TLL1: variants seen among roughly 807,000 people sequenced by gnomAD.
TLL1 encodes tolloid like 1.
In TLL1, 49 loss-of-function variants were observed where a neutral mutation model predicts 128.2. The ratio of observed to expected loss-of-function variants is 0.38; its 90% CI spans 0.30 to 0.48. TLL1 has a LOEUF of 0.48. Among genes scored for constraint, TLL1 ranks in the 20% least tolerant of loss-of-function variants. The pLI, the probability that TLL1 is intolerant of heterozygous loss-of-function variation, is 0.96. For synonymous variants in TLL1, 454 were observed against 418.8 expected (o/e 1.08, Z -1.03); for missense variants, 1,123 against 1,242.0 (o/e 0.90, Z 1.44).
chr4:165,974,121 C>T (rs1437711898), intron 1 of TLL1, among the ~76,000 whole-genome samples: 1 of 146,490 alleles, frequency 6.8e-6, no homozygotes, highest in Non-Finnish European at 1.5e-5. Flanking sequence ...AGGATTAAGT[C>T]CTGGACCTCA....
intron 14 of TLL1, among the ~76,000 whole-genome samples, chr4:166,059,808 C>T (rs1388735625): frequency 8.6e-5 from 13 of 151,910 alleles, no homozygotes; most frequent in Admixed American, 7.9e-4. Context: ...CCATAATATT[C>T]TCGGCTACTA....
chr4:166,035,136 T>TA (rs1738942289), intron 9 of TLL1, among the ~76,000 whole-genome samples: 1 of 152,134 alleles, frequency 6.6e-6, no homozygotes, highest in Admixed American at 6.6e-5. Context: ...GCGAGAGGTG[T>TA]AAAAAATGTT....
chr4:166,011,593 T>C (rs1038489643), intron 7 of TLL1, among the ~76,000 whole-genome samples: 1 of 151,522 alleles, frequency 6.6e-6, no homozygotes, highest in East Asian at 1.9e-4. Flanking sequence ...AGAATTTTAC[T>C]TCTTTCTGTC....
chr4:165,985,257 G>A (rs762002997), intron 1 of TLL1, among the ~76,000 whole-genome samples: 23 of 151,986 alleles, frequency 1.5e-4, no homozygotes, highest in Non-Finnish European at 2.8e-4. Context: ...AATGGGAAGA[G>A]CAGGTTTCTA....
intron 16 of TLL1, among the ~76,000 whole-genome samples, chr4:166,068,217 AAGGGAAGG>A (rs1740660985): frequency 6.6e-6 from 1 of 151,748 alleles, no homozygotes; most frequent in African/African-American, 2.4e-5. Context: ...TGCCCAGGAA[AAGGGAAGG>A]TTAAAAACAT....
intron 1 of TLL1, among the ~76,000 whole-genome samples, chr4:165,979,315 G>A (rs547936711): frequency 3.5e-4 from 53 of 152,046 alleles, no homozygotes; most frequent in Middle Eastern, 3.4e-3. Context: ...TGTTATATTC[G>A]TATAAAAGAC....
intron 18 of TLL1, among the ~76,000 whole-genome samples, chr4:166,082,683 G>A (rs78383247): frequency 0.065 from 9,797 of 151,652 alleles, 551 homozygotes; most frequent in African/African-American, 0.14. Flanking sequence ...GTTTTGTTTC[G>A]TTTGTTTTTT....
At chr4:165,902,553 T>A (rs1732046961) in intron 1 of TLL1, among the ~76,000 whole-genome samples, 1 of 152,188 alleles carries the variant, frequency 6.6e-6, no homozygotes, top group Admixed American at 6.5e-5. Flanking sequence ...TGACTCCTTC[T>A]GCTTCCTGGG....
At chr4:165,937,857 C>T (rs1324933344) in intron 1 of TLL1, among the ~76,000 whole-genome samples, 2 of 117,712 alleles carry the variant, frequency 1.7e-5, no homozygotes, top group African/African-American at 2.9e-5. Context: ...TTCCCCACCC[C>T]CCCCCCAAAA....
In TLL1 at chr4:166,005,824, C is replaced by G. The variant is rs559548911; in HGVS notation, c.812-2119C>G. ...TACTCTTAAAAATAGGATCCTGTTTCAATATAAATATGTACCTGAAACAAG... is the reference window on the plus strand; with the variant it reads ...TACTCTTAAAAATAGGATCCTGTTTGAATATAAATATGTACCTGAAACAAG... On this transcript the variant is annotated intron_variant, in intron 6 of 20. Coordinates refer to ENST00000061240, the MANE Select transcript of TLL1 (RefSeq NM_012464.5). 4.6e-5 allele frequency among the ~76,000 whole-genome samples: 7 copies of G among 151,730 alleles called. No individual in the cohort carries two copies. The East Asian group carries it at 1.4e-3, about 29-fold the overall frequency.
chr4:165,913,581 G>T (rs1189766549), intron 1 of TLL1, among the ~76,000 whole-genome samples: 1 of 152,124 alleles, frequency 6.6e-6, no homozygotes, highest in Non-Finnish European at 1.5e-5. Flanking sequence ...TTTCCATTCT[G>T]CATATTGCCC....
chr4:166,079,366 A>G (rs1055786452), intron 18 of TLL1, among the ~76,000 whole-genome samples: 4 of 152,174 alleles, frequency 2.6e-5, no homozygotes, highest in East Asian at 1.9e-4. Context: ...TATATTTTGT[A>G]TAAAGTATGT....
At chr4:165,893,622 G>A (rs889907795) in intron 1 of TLL1, among the ~76,000 whole-genome samples, 6 of 152,180 alleles carry the variant, frequency 3.9e-5, no homozygotes, top group African/African-American at 1.4e-4. Context: ...TACTTCCATG[G>A]GAGGACACTC....
intron 9 of TLL1, among the ~76,000 whole-genome samples, chr4:166,033,020 A>G (rs1281667436): frequency 6.6e-6 from 1 of 152,144 alleles, no homozygotes; most frequent in African/African-American, 2.4e-5. Flanking sequence ...GAGAAATGCT[A>G]TTTGAACTAA....
rs567949167 is a variant in TLL1, at chr4:166,093,000, G to C, written c.2656+1659G>C. Among the ~76,000 whole-genome samples, 352 of 152,200 alleles carry C rather than the reference G, an allele frequency of 2.3e-3. 2 individuals carry two copies. The highest frequency in any genetic ancestry group is 6.8e-3 in the Middle Eastern group (2 of 294). The stretch of plus-strand genomic sequence containing the variant: ...ACTTCTGCCCGTGCACGCCATTTGC[G>C]GTGTTTGCATTATGATTAACATTCC... On this transcript the variant is annotated intron_variant, in intron 19 of 20. Transcript: ENST00000061240.
At chr4:166,091,419 G>A in intron 19 of TLL1, 78 bp downstream of exon 19, 1 of 1,269,246 alleles carries the variant, frequency 7.9e-7, no homozygotes, top group Non-Finnish European at 1.1e-6. Flanking sequence ...TTCAATAATA[G>A]GATTGTAAAT....
At chr4:165,956,943 T>C (rs1300015470) in intron 1 of TLL1, among the ~76,000 whole-genome samples, 2 of 151,992 alleles carry the variant, frequency 1.3e-5, no homozygotes, top group Non-Finnish European at 2.9e-5. Flanking sequence ...ATAAAGCAGC[T>C]TCACAATTGC....
chr4:166,024,306 A>G (rs1465834745), intron 8 of TLL1, among the ~76,000 whole-genome samples: 1 of 152,174 alleles, frequency 6.6e-6, no homozygotes, highest in Admixed American at 6.5e-5. Flanking sequence ...AAGCTAGAAG[A>G]TCCATTTATA....
At chr4:166,046,444 T>G (rs1560833165) in intron 12 of TLL1, among the ~76,000 whole-genome samples, 1 of 152,214 alleles carries the variant, frequency 6.6e-6, no homozygotes, top group African/African-American at 2.4e-5. Flanking sequence ...TTTATGCCGC[T>G]AACCTAGTAT....
Sources: gnomAD v4.1 joint callset for allele counts (sites outside exome capture counted in the v4.1 genomes callset) on GRCh38, gnomAD v4.1.1 for gene constraint, MANE v1.5 for transcripts, NCBI Gene and HGNC (gene_info 2026-07-23, HGNC 2026-07-21) for gene names.